Variants in ADK observed in about 807,000 individuals in gnomAD.
The protein encoded by ADK is N6,N6-dimethyladenosine kinase.
In ADK, 24 loss-of-function variants were observed where a neutral mutation model predicts 44.7. That is an observed-to-expected ratio of 0.54 (90% CI 0.39 to 0.76). ADK has a LOEUF of 0.76. Ranked by LOEUF, ADK falls within the 30% of genes least tolerant of loss-of-function variation. ADK has a pLI of 0.00. For synonymous variants in ADK, 128 were observed against 142.6 expected (o/e 0.90, Z 0.73); for missense variants, 321 against 425.1 (o/e 0.76, Z 2.15).
chr10:74,282,483 A>C (rs1846978550), intron 3 of ADK, among the ~76,000 whole-genome samples: 1 of 152,226 alleles, frequency 6.6e-6, no homozygotes, highest in African/African-American at 2.4e-5. Context: ...AATGTACTAA[A>C]ATATTACGAA....
chr10:74,708,332 C>G lies in ADK; in HGVS notation c.976C>G (p.Gln326Glu). The change falls in exon 11 of 11, where the codon CAA becomes GAA. Residue 326 changes from glutamine (Q) to glutamate (E), a missense_variant. By Grantham distance (29) the Gln-to-Glu change is conservative. Transcript: ENST00000539909. The part of the protein sequence containing the change: ...GDAFVGGFLS[Q>E]LVSDKPLTEC... The stretch of plus-strand genomic sequence containing the variant: ...TGCCTGTGTTCTAGGTTTTCTGTCT[C>G]AACTGGTCTCTGACAAGCCTCTGAC... 6.2e-7 allele frequency: 1 copy of G among 1,610,984 alleles called. No homozygotes were observed. The highest frequency in any genetic ancestry group is 8.5e-7 in the Non-Finnish European group (1 of 1,179,084).
intron 9 of ADK, among the ~76,000 whole-genome samples, chr10:74,614,828 T>C (rs955762173): frequency 6.6e-6 from 1 of 152,228 alleles, no homozygotes; most frequent in African/African-American, 2.4e-5. Context: ...GCTCTAGATA[T>C]GCTCTTTGTT....
At chr10:74,535,002 T>G (rs1489879218) in intron 7 of ADK, among the ~76,000 whole-genome samples, 1 of 152,178 alleles carries the variant, frequency 6.6e-6, no homozygotes, top group Non-Finnish European at 1.5e-5. Flanking sequence ...GTTTAATGAG[T>G]TAAGGTTGGT....
In ADK at chr10:74,429,428, C is replaced by T. The variant is rs74693141; in HGVS notation, c.555+30849C>T. Reference sequence around the variant, plus strand: ...CCCAATTTTAAGAATTAATTCTGAGCAATTTTTATATGCATGAAAAAGATG... The same window carrying T: ...CCCAATTTTAAGAATTAATTCTGAGTAATTTTTATATGCATGAAAAAGATG... On this transcript the variant is annotated intron_variant, in intron 6 of 10. Coordinates refer to ENST00000539909, the MANE Select transcript of ADK (RefSeq NM_006721.4). 5.0e-3 allele frequency among the ~76,000 whole-genome samples: 767 copies of T among 152,214 alleles called. 12 individuals are homozygous for T. The highest frequency in any genetic ancestry group is 0.017 in the African/African-American group (716 of 41,532).
At chr10:74,574,087 C>T (rs936428239) in intron 7 of ADK, among the ~76,000 whole-genome samples, 8 of 152,082 alleles carry the variant, frequency 5.3e-5, no homozygotes, top group African/African-American at 1.7e-4. Flanking sequence ...AGAAATCACA[C>T]GTTTTCTGCG....
chr10:74,488,406 TAAA>T (rs1847346968), intron 6 of ADK, among the ~76,000 whole-genome samples: 1 of 150,182 alleles, frequency 6.7e-6, no homozygotes, highest in African/African-American at 2.5e-5. Context: ...TGTGTGTGTG[TAAA>T]GAATATGTTC....
At chr10:74,256,892 A>T (rs1412345337) in intron 3 of ADK, among the ~76,000 whole-genome samples, 2 of 152,140 alleles carry the variant, frequency 1.3e-5, no homozygotes, top group African/African-American at 4.8e-5. Flanking sequence ...TTTATAGAAA[A>T]TTTTTTACCT....
intron 3 of ADK, among the ~76,000 whole-genome samples, chr10:74,226,594 CTA>C (rs370079518): frequency 2.5e-3 from 384 of 151,720 alleles, no homozygotes; most frequent in Non-Finnish European, 3.8e-3. Flanking sequence ...ATGCTTCTCT[CTA>C]AATATTTCAA....
chr10:74,533,619 T>C (rs770020916), intron 7 of ADK, among the ~76,000 whole-genome samples: 18 of 152,214 alleles, frequency 1.2e-4, no homozygotes, highest in Non-Finnish European at 2.6e-4. Flanking sequence ...ACTGCACGGC[T>C]ATTAGAATGT....
intron 9 of ADK, among the ~76,000 whole-genome samples, chr10:74,611,899 A>T (rs974026564): frequency 2.0e-5 from 3 of 152,162 alleles, no homozygotes; most frequent in African/African-American, 7.2e-5. Flanking sequence ...GGTTGATTCC[A>T]TGACTTTGCC....
At chr10:74,584,148 T>G (rs192712229) in intron 7 of ADK, among the ~76,000 whole-genome samples, 25 of 152,350 alleles carry the variant, frequency 1.6e-4, no homozygotes, top group Non-Finnish European at 2.9e-4. Flanking sequence ...GAAAACCATT[T>G]TGAAGACTGC....
At chr10:74,301,079 CTTAAT>C (rs2132517540) in intron 3 of ADK, among the ~76,000 whole-genome samples, 1 of 152,224 alleles carries the variant, frequency 6.6e-6, no homozygotes, top group Non-Finnish European at 1.5e-5. Flanking sequence ...GATAAATATG[CTTAAT>C]TTAAATCATA....
chr10:74,391,650 T>TACACACAC (rs1491120125), intron 4 of ADK, among the ~76,000 whole-genome samples: 2,071 of 134,572 alleles, frequency 0.015, 31 homozygotes, highest in Middle Eastern at 0.023. Flanking sequence ...GAGGCAAGAA[T>TACACACAC]ATACACACAC....
chr10:74,378,176 C>T (rs1393246714), intron 4 of ADK, among the ~76,000 whole-genome samples: 2 of 151,904 alleles, frequency 1.3e-5, no homozygotes, highest in African/African-American at 2.4e-5. Flanking sequence ...GAGGCTCACA[C>T]CTGTAATCCC....
At chr10:74,472,514 G>A (rs1589145302) in intron 6 of ADK, among the ~76,000 whole-genome samples, 1 of 152,028 alleles carries the variant, frequency 6.6e-6, no homozygotes, top group Non-Finnish European at 1.5e-5. Context: ...GAGAAGCCAG[G>A]TCTTACATTT....
intron 9 of ADK, among the ~76,000 whole-genome samples, chr10:74,617,991 T>C (rs1047296759): frequency 6.6e-6 from 1 of 152,196 alleles, no homozygotes; most frequent in Admixed American, 6.5e-5. Context: ...GAAATGTCCT[T>C]CTTAATCTCT....
chr10:74,574,002 C>T (rs879647752), intron 7 of ADK, among the ~76,000 whole-genome samples: 66 of 152,172 alleles, frequency 4.3e-4, no homozygotes, highest in African/African-American at 4.6e-4. Flanking sequence ...ACGCACAGTG[C>T]GCTGCACCCA....
At chr10:74,605,892 G>A (rs181942678) in intron 9 of ADK, among the ~76,000 whole-genome samples, 4 of 152,124 alleles carry the variant, frequency 2.6e-5, no homozygotes, top group Non-Finnish European at 5.9e-5. Context: ...TTGGTTGATA[G>A]GCTATTAATT....
At chr10:74,408,783 G>A (rs1340269423) in intron 6 of ADK, among the ~76,000 whole-genome samples, 1 of 152,136 alleles carries the variant, frequency 6.6e-6, no homozygotes, top group Non-Finnish European at 1.5e-5. Flanking sequence ...TCATTAAGTG[G>A]AAATGGATCA....
Sources: allele counts gnomAD v4.1 joint callset (sites outside exome capture counted in the v4.1 genomes callset), GRCh38; gene constraint gnomAD v4.1.1; transcripts MANE v1.5; gene names NCBI Gene and HGNC (gene_info 2026-07-23, HGNC 2026-07-21).